Variants in RFX2 observed in about 807,000 individuals in gnomAD.
The protein encoded by RFX2 is DNA-binding protein RFX2.
In RFX2, 20 loss-of-function variants were observed where a neutral mutation model predicts 87.8. That is an observed-to-expected ratio of 0.23 (90% CI 0.16 to 0.33). The LOEUF (loss-of-function observed/expected upper bound fraction) is 0.33, where lower values mean the gene tolerates loss of function less well. Ranked by LOEUF, RFX2 falls within the 10% of genes least tolerant of loss-of-function variation. The pLI is 1.00. For synonymous variants in RFX2, 397 were observed against 431.3 expected (o/e 0.92, Z 0.98); for missense variants, 767 against 1,012.3 (o/e 0.76, Z 3.29).
At chr19:6,009,176 C>A (rs904977844) in intron 9 of RFX2, among the ~76,000 whole-genome samples, 1 of 152,212 alleles carries the variant, frequency 6.6e-6, no homozygotes, top group Non-Finnish European at 1.5e-5. Flanking sequence ...GCAGTGACCT[C>A]CTGGAGATGG....
chr19:6,049,563 G>C (rs933885026), intron 1 of RFX2, among the ~76,000 whole-genome samples: 3 of 152,030 alleles, frequency 2.0e-5, no homozygotes, highest in African/African-American at 7.2e-5. Context: ...TTTTTGAGAC[G>C]AAGTCTTGCT....
chr19:6,060,041 T>C (rs2087405680), intron 1 of RFX2, among the ~76,000 whole-genome samples: 1 of 152,162 alleles, frequency 6.6e-6, no homozygotes, highest in African/African-American at 2.4e-5. Flanking sequence ...TCTGTACTTT[T>C]CTCCTTGCAA....
At chr19:6,095,092 A>G (rs146533533) in intron 1 of RFX2, among the ~76,000 whole-genome samples, 3,452 of 152,336 alleles carry the variant, frequency 0.023, 141 homozygotes, top group African/African-American at 0.079. Flanking sequence ...AGCCTGGGCG[A>G]CAGAGCAAGA....
chr19:6,036,470 C>A (rs1236066853), intron 5 of RFX2, among the ~76,000 whole-genome samples: 1 of 152,072 alleles, frequency 6.6e-6, no homozygotes, highest in Non-Finnish European at 1.5e-5. Flanking sequence ...GCCAGGGTGA[C>A]CCCAGAACAC....
Position 6,010,203 on chromosome 19 carries a change from G to A in RFX2, c.948C>T (p.His316=). The A allele has an allele frequency of 1.3e-6, 2 of 1,548,638 alleles. No homozygotes were observed. The highest frequency in any genetic ancestry group is 1.7e-6 in the Non-Finnish European group (2 of 1,146,988). The change falls in exon 9 of 18, where the codon CAC becomes CAT. Residue 316 remains histidine, a synonymous_variant. Transcript: ENST00000303657. This position sits in a 1 kb window ranked among gnomAD's most constrained non-coding sequence, Gnocchi z 5.0. ...GTTCCGGAGTGCTGTGCAGGCCGCT[G>A]TGGGAGCCGCTGTCCCCGAGGCTGT... ...KTDSLGDSGS[H]SGLHSTPEQT...
At chr19:6,059,018 C>CA (rs1158132490) in intron 1 of RFX2, among the ~76,000 whole-genome samples, 1 of 151,856 alleles carries the variant, frequency 6.6e-6, no homozygotes, top group Non-Finnish European at 1.5e-5. Flanking sequence ...CTTGCTCTGT[C>CA]ACCCAGACTA....
intron 1 of RFX2, among the ~76,000 whole-genome samples, chr19:6,094,647 TG>T (rs1220990327): frequency 6.6e-6 from 1 of 152,238 alleles, no homozygotes; most frequent in Non-Finnish European, 1.5e-5. Context: ...CACACGTGGC[TG>T]CTGAGCACCT....
At position 6,083,347 on chromosome 19, in the gene RFX2, G is replaced by A. The variant is rs1409822574; in HGVS notation, c.-9+27046C>T. On this transcript the variant is annotated intron_variant, in intron 1 of 17. Coordinates refer to ENST00000303657, the MANE Select transcript of RFX2 (RefSeq NM_000635.4). This position sits in a 1 kb window ranked among gnomAD's most constrained non-coding sequence, Gnocchi z 4.6. ...GCGAGGGCCTCACTGCCTCATGCTA[G>A]TTCTGACCCTGGTGCTGGTGCTGTT... 6.6e-6 allele frequency among the ~76,000 whole-genome samples: 1 copy of A among 152,182 alleles called. No homozygotes were observed. The highest frequency in any genetic ancestry group is 1.5e-5 in the Non-Finnish European group (1 of 68,036).
At chr19:6,094,648 G>A (rs1322101220) in intron 1 of RFX2, among the ~76,000 whole-genome samples, 3 of 152,244 alleles carry the variant, frequency 2.0e-5, no homozygotes, top group East Asian at 3.9e-4. Context: ...ACACGTGGCT[G>A]CTGAGCACCT....
intron 1 of RFX2, among the ~76,000 whole-genome samples, chr19:6,097,282 C>T (rs1327906472): frequency 6.6e-6 from 1 of 151,940 alleles, no homozygotes; most frequent in Non-Finnish European, 1.5e-5. Context: ...AGGCTGGGAC[C>T]CACACATCTC....
At position 6,026,690 on chromosome 19, in the gene RFX2, C is replaced by T. The variant is rs1455017347; in HGVS notation, c.523-453G>A. 2 of 187,632 alleles carry T rather than the reference C, an allele frequency of 1.1e-5. No individual in the cohort carries two copies. The highest frequency in any genetic ancestry group is 4.8e-5 in the African/African-American group (2 of 41,698). The allele number at this position is 187,632 out of a possible 1,614,324, so 11.6% of individuals were successfully genotyped here. A position where few individuals can be genotyped will look rare whatever the true frequency, so the allele number is the denominator to read the frequency against. Reference sequence around the variant, plus strand: ...AGCCTTGACTCCCCAGCCAGGCTGTCCTGTCGCAAATCCCAGGGTCTCCCC... The same window carrying T: ...AGCCTTGACTCCCCAGCCAGGCTGTTCTGTCGCAAATCCCAGGGTCTCCCC... On this transcript the variant is annotated intron_variant, in intron 5 of 17. Transcript: ENST00000303657. This position sits in a 1 kb window ranked among gnomAD's most constrained non-coding sequence, Gnocchi z 4.5.
At chr19:6,092,536 C>A (rs1303166050) in intron 1 of RFX2, among the ~76,000 whole-genome samples, 1 of 152,154 alleles carries the variant, frequency 6.6e-6, no homozygotes. Flanking sequence ...GGCTCGAGTC[C>A]GCGCAGGAGT....
At chr19:6,035,022 G>A (rs1414366504) in intron 5 of RFX2, among the ~76,000 whole-genome samples, 1 of 152,172 alleles carries the variant, frequency 6.6e-6, no homozygotes, top group Non-Finnish European at 1.5e-5. Flanking sequence ...AACTTCAGCT[G>A]CAATTAAAAT....
chr19:6,071,580 A>G (rs1469099223), intron 1 of RFX2, among the ~76,000 whole-genome samples: 2 of 152,180 alleles, frequency 1.3e-5, no homozygotes, highest in African/African-American at 2.4e-5. Flanking sequence ...ATCCAACCCA[A>G]TGAGAACGAC....
At chr19:6,058,871 G>A (rs1329470817) in intron 1 of RFX2, among the ~76,000 whole-genome samples, 2 of 152,128 alleles carry the variant, frequency 1.3e-5, no homozygotes, top group Non-Finnish European at 2.9e-5. Flanking sequence ...CCCTTAAGTC[G>A]CAGGTTCTAA....
Position 6,010,138 on chromosome 19 carries a change from A to G in RFX2, c.1013T>C (p.Ile338Thr). Residue 338 changes from isoleucine to threonine, a missense_variant and splice_region_variant, in exon 9 of 18, where the codon ATA becomes ACA. Physicochemically the swap from Ile to Thr is moderately conservative, Grantham distance 89. Transcript: ENST00000303657. This position sits in a 1 kb window ranked among gnomAD's most constrained non-coding sequence, Gnocchi z 5.0. ...AVQSQHHQQY[I>T]DVSHVFPEFP... ...CCGGGCCTGACCGGGCCTCTCACCT[A>G]TGTACTGCTGGTGGTGCTGGCTCTG... 2 of 1,545,278 alleles carry G rather than the reference A, an allele frequency of 1.3e-6. No homozygotes were observed. Among genetic ancestry groups the G allele is most frequent in the Non-Finnish European group, 1.7e-6 (2 of 1,143,610 alleles).
intron 5 of RFX2, among the ~76,000 whole-genome samples, chr19:6,038,350 A>AC (rs1363459121): frequency 6.6e-6 from 1 of 150,850 alleles, no homozygotes; most frequent in Non-Finnish European, 1.5e-5. Flanking sequence ...AAAAAAAAAA[A>AC]AACCCAAAAC....
rs934513218 is a variant in RFX2, at chr19:6,024,889, C to T, written c.597+1274G>A. On this transcript the variant is annotated intron_variant, in intron 6 of 17. Transcript: ENST00000303657. This position sits in a 1 kb window ranked among gnomAD's most constrained non-coding sequence, Gnocchi z 5.0. ...GAGGACGGGAGTGAGGACGGGATCACGGTGAGGACGGGAGTCAGGACGGGA... is the reference window on the plus strand; with the variant it reads ...GAGGACGGGAGTGAGGACGGGATCATGGTGAGGACGGGAGTCAGGACGGGA... Among the ~76,000 whole-genome samples, 1 of 145,018 alleles carries T rather than the reference C, an allele frequency of 6.9e-6. No individual in the cohort carries two copies. Among genetic ancestry groups the T allele is most frequent in the South Asian group, 2.3e-4 (1 of 4,418 alleles).
chr19:6,005,854 G>A (rs2086572609), intron 12 of RFX2, among the ~76,000 whole-genome samples: 1 of 152,190 alleles, frequency 6.6e-6, no homozygotes, highest in Non-Finnish European at 1.5e-5. Context: ...TGGGGCTTAA[G>A]GGAGGCTGGA....
Sources: gnomAD v4.1 joint callset for allele counts (sites outside exome capture counted in the v4.1 genomes callset) on GRCh38, gnomAD v4.1.1 for gene constraint, Gnocchi (gnomAD v3.1) non-coding constraint, MANE v1.5 for transcripts, NCBI Gene and HGNC (gene_info 2026-07-23, HGNC 2026-07-21) for gene names.